The following LNP1 variants were observed in gnomAD, a reference collection of about 807,000 sequenced individuals.
The protein encoded by LNP1 is leukemia NUP98 fusion partner 1.
LNP1 carries 12 observed loss-of-function variants against 14.5 expected under a neutral mutation model. That is an observed-to-expected ratio of 0.83 (90% CI 0.53 to 1.34). The LOEUF (loss-of-function observed/expected upper bound fraction) is 1.34, where lower values mean the gene tolerates loss of function less well. Ranked by LOEUF, LNP1 falls within the 40% of genes most tolerant of loss-of-function variation. The pLI is 0.00. For missense variants in LNP1, 198 were observed against 210.9 expected, an observed-to-expected ratio of 0.94 and a Z score of 0.38; for synonymous variants, 75 against 71.4, an observed-to-expected ratio of 1.05 and a Z score of -0.26.
chr3:100,434,831 CTTTTT>C (rs57009371), intron 2 of LNP1, among the ~76,000 whole-genome samples: 1 of 140,382 alleles, frequency 7.1e-6, no homozygotes, highest in Non-Finnish European at 1.5e-5. Context: ...ACCCGGCTGT[CTTTTT>C]TTTTTTTTTT....
chr3:100,456,084 T>A lies in LNP1; in HGVS notation c.*158T>A. 1 of 658,748 alleles carries A rather than the reference T, an allele frequency of 1.5e-6. No homozygotes were observed. The highest frequency in any genetic ancestry group is 2.8e-5 in the East Asian group (1 of 36,140). 40.8% of individuals were successfully genotyped at this position (658,748 alleles called of 1,614,324 possible). A position where few individuals can be genotyped will look rare whatever the true frequency, so the allele number is the denominator to read the frequency against. ...CTGACTGACTGCAGTGGGCAGGGTA[T>A]GTAGCTGCTCCAAGATGACTTGCAT... is the stretch of plus-strand genomic sequence containing the variant. On this transcript the variant is annotated 3_prime_UTR_variant, in exon 4 of 4. Coordinates refer to ENST00000383693, the MANE Select transcript of LNP1 (RefSeq NM_001085451.2).
intron 2 of LNP1, among the ~76,000 whole-genome samples, chr3:100,446,131 T>C (rs1202146272): frequency 6.6e-6 from 1 of 152,124 alleles, no homozygotes; most frequent in African/African-American, 2.4e-5. Context: ...AAAAAGAGCC[T>C]GCATTGCCAA....
At chr3:100,415,487 A>G (rs902608418) in intron 1 of LNP1, among the ~76,000 whole-genome samples, 4 of 152,236 alleles carry the variant, frequency 2.6e-5, no homozygotes, top group African/African-American at 7.2e-5. Flanking sequence ...CAGCAGTACC[A>G]GTGAGGCAAG....
chr3:100,432,739 A>G (rs1391959021), intron 2 of LNP1, among the ~76,000 whole-genome samples: 1 of 152,136 alleles, frequency 6.6e-6, no homozygotes, highest in Non-Finnish European at 1.5e-5. Flanking sequence ...TTTCCCTGTC[A>G]TTTATTTATT....
chr3:100,416,664 CT>C (rs1259890388), intron 1 of LNP1, among the ~76,000 whole-genome samples: 1 of 107,130 alleles, frequency 9.3e-6, no homozygotes, highest in Non-Finnish European at 2.0e-5. Flanking sequence ...TTGGTCTGTC[CT>C]TTTTTTAAAA....
intron 1 of LNP1, among the ~76,000 whole-genome samples, chr3:100,420,037 G>T (rs1707128789): frequency 6.6e-6 from 1 of 152,160 alleles, no homozygotes; most frequent in African/African-American, 2.4e-5. Flanking sequence ...TCAACATTTG[G>T]TGTTAATACT....
In LNP1 at chr3:100,431,992, TTATATATATATATATATATATA is replaced by T. The variant is rs66513332; in HGVS notation, c.156+2147_156+2168del. Among the ~76,000 whole-genome samples the T allele has an allele frequency of 3.4e-3, 119 of 34,700 alleles. 3 individuals are homozygous for T. The highest frequency in any genetic ancestry group is 0.024 in the Middle Eastern group (1 of 42). The allele number at this position is 34,700 out of a possible 152,430, so 22.8% of individuals were successfully genotyped here. ...CCTGGGTAACAGAATGAGACCTTGTTTATATATATATATATATATATATATATATATATATATATATATATAT... is the reference window on the plus strand; with the variant it reads ...CCTGGGTAACAGAATGAGACCTTGTTTATATATATATATATATATATATAT... On this transcript the variant is annotated intron_variant, in intron 2 of 3. Coordinates refer to ENST00000383693, the MANE Select transcript of LNP1 (RefSeq NM_001085451.2).
At chr3:100,429,474 A>G (rs1208699448) in intron 1 of LNP1, among the ~76,000 whole-genome samples, 2 of 152,236 alleles carry the variant, frequency 1.3e-5, no homozygotes, top group African/African-American at 4.8e-5. Context: ...AAAGCCTCTC[A>G]ATTTAAAAAG....
At chr3:100,442,786 T>C (rs1160346355) in intron 2 of LNP1, among the ~76,000 whole-genome samples, 3 of 152,118 alleles carry the variant, frequency 2.0e-5, no homozygotes, top group African/African-American at 7.2e-5. Flanking sequence ...AAAAATAAAA[T>C]CTTTTGGAAT....
At chr3:100,437,221 C>T (rs1476206208) in intron 2 of LNP1, among the ~76,000 whole-genome samples, 1 of 152,106 alleles carries the variant, frequency 6.6e-6, no homozygotes, top group Non-Finnish European at 1.5e-5. Flanking sequence ...ATCTCAGTGG[C>T]ATATGGTTTA....
At chr3:100,445,970 A>C (rs1354192385) in intron 2 of LNP1, among the ~76,000 whole-genome samples, 1 of 152,248 alleles carries the variant, frequency 6.6e-6, no homozygotes, top group Admixed American at 6.5e-5. Context: ...AAATGGAAGA[A>C]TATTCCATGC....
intron 1 of LNP1, among the ~76,000 whole-genome samples, chr3:100,428,505 C>T (rs893573809): frequency 8.0e-5 from 12 of 149,202 alleles, no homozygotes; most frequent in African/African-American, 2.5e-4. Context: ...GTACTCCAGC[C>T]TGGGCAACAG....
In LNP1 at chr3:100,455,777, G is replaced by A. The variant is rs747753975; in HGVS notation, c.388G>A (p.Gly130Arg). 1.2e-6 allele frequency: 2 copies of A among 1,613,638 alleles called. No homozygotes were observed. The highest frequency in any genetic ancestry group is 2.2e-5 in the South Asian group (2 of 91,040). ...CFRTKRSASLGPESRKERNER... is the reference protein window; with the variant it reads ...CFRTKRSASLRPESRKERNER... Reference sequence around the variant, plus strand: ...CCTGTTTCTGATCTTTCCCTTTCAGGGACCTGAAAGCAGAAAGGAGAGAAA... The same window carrying A: ...CCTGTTTCTGATCTTTCCCTTTCAGAGACCTGAAAGCAGAAAGGAGAGAAA... The change falls in exon 4 of 4, where the codon GGA (glycine) becomes AGA (arginine). Residue 130 changes from glycine (G) to arginine (R), a missense_variant and splice_region_variant. By Grantham distance (125) the Gly-to-Arg change is moderately radical. Transcript: ENST00000383693.
intron 1 of LNP1, among the ~76,000 whole-genome samples, chr3:100,403,344 GACATTATCTTT>G (rs1188044884): frequency 1.3e-5 from 2 of 152,138 alleles, no homozygotes; most frequent in Non-Finnish European, 2.9e-5. Flanking sequence ...TGTGAACATA[GACATTATCTTT>G]TTCTTGGTAG....
At chr3:100,424,210 G>C (rs942865192) in intron 1 of LNP1, among the ~76,000 whole-genome samples, 1 of 152,110 alleles carries the variant, frequency 6.6e-6, no homozygotes, top group Non-Finnish European at 1.5e-5. Context: ...GAGAATTTTT[G>C]ATCAAAGATT....
At chr3:100,417,636 T>C (rs1707099150) in intron 1 of LNP1, among the ~76,000 whole-genome samples, 1 of 152,024 alleles carries the variant, frequency 6.6e-6, no homozygotes, top group Admixed American at 6.6e-5. Flanking sequence ...ACCTTGGCCC[T>C]TCAAAATGCT....
chr3:100,441,316 T>G (rs141585400), intron 2 of LNP1, among the ~76,000 whole-genome samples: 1 of 152,328 alleles, frequency 6.6e-6, no homozygotes, highest in African/African-American at 2.4e-5. Context: ...ACCAATATCC[T>G]GATCAAAATT....
chr3:100,438,022 T>C (rs891744578), intron 2 of LNP1, among the ~76,000 whole-genome samples: 2 of 152,204 alleles, frequency 1.3e-5, no homozygotes, highest in African/African-American at 4.8e-5. Context: ...GACTTTATTC[T>C]GAAGTTAGCT....
intron 2 of LNP1, among the ~76,000 whole-genome samples, chr3:100,443,100 G>A (rs948418861): frequency 6.6e-6 from 1 of 152,164 alleles, no homozygotes; most frequent in Non-Finnish European, 1.5e-5. Flanking sequence ...TGAAGTTTAA[G>A]TTGTCTAGCT....
Sources: gnomAD v4.1 joint callset for allele counts (sites outside exome capture counted in the v4.1 genomes callset) on GRCh38, gnomAD v4.1.1 for gene constraint, MANE v1.5 for transcripts, NCBI Gene and HGNC (gene_info 2026-07-23, HGNC 2026-07-21) for gene names.